The following TIRAP variants were observed in gnomAD, a reference collection of about 807,000 sequenced individuals.
TIRAP encodes the protein TIR domain containing adaptor protein, also known as toll/interleukin-1 receptor domain-containing adapter protein.
In TIRAP, 20 loss-of-function variants were observed where a neutral mutation model predicts 19.8. That is an observed-to-expected ratio of 1.01 (90% CI 0.71 to 1.47). The LOEUF is 1.47. Among genes scored for constraint, TIRAP ranks in the 40% most tolerant of loss-of-function variants. The pLI is 0.00. For missense variants in TIRAP, 276 were observed against 285.1 expected (o/e 0.97, Z 0.23); for synonymous variants, 125 against 121.7 (o/e 1.03, Z -0.18).
chr11:126,291,394 C>G lies in TIRAP; in HGVS notation c.67+433C>G, dbSNP rs1010772808. The G allele has an allele frequency of 7.7e-7, 1 of 1,304,048 alleles. No individual in the cohort carries two copies. 80.8% of individuals were successfully genotyped at this position (1,304,048 alleles called of 1,614,324 possible). On this transcript the variant is annotated intron_variant, in intron 3 of 4. Transcript: ENST00000392679. The surrounding 1 kb of genome is among the most constrained non-coding windows in gnomAD (Gnocchi z 5.6). ...TCCTTATGGAGTCCCATACTCCAAA[C>G]ACAGACCTGAGCAGTGTTTCTCCCC...
intron 1 of TIRAP, among the ~76,000 whole-genome samples, chr11:126,283,740 A>AGGGGGAAC (rs1951283207): frequency 6.6e-6 from 1 of 152,176 alleles, no homozygotes; most frequent in African/African-American, 2.4e-5. Flanking sequence ...CATACCCTAG[A>AGGGGGAAC]AGTGCAACAG....
rs8177399 is a variant in TIRAP at position 126,290,931 on chromosome 11, C to T, written c.37C>T (p.Arg13Trp). The change falls in exon 3 of 5, where the codon CGG becomes TGG. Residue 13 changes from arginine (R) to tryptophan (W), a missense_variant. By Grantham distance (101) the Arg-to-Trp change is moderately radical. Transcript: ENST00000392679. This position sits in a 1 kb window ranked among gnomAD's most constrained non-coding sequence, Gnocchi z 4.9. ...GACCTCCCTCCCAGCTCCTGGCTCT[C>T]GGCCTAAGAAGCCTCTAGGCAAGAT... ...SSTSLPAPGSRPKKPLGKMAD... is the reference protein window; with the variant it reads ...SSTSLPAPGSWPKKPLGKMAD... The T allele has an allele frequency of 0.018, 29,318 of 1,606,976 alleles. 316 individuals are homozygous for T. Among genetic ancestry groups the T allele is most frequent in the Non-Finnish European group, 0.021 (24,721 of 1,176,324 alleles).
chr11:126,293,615 A>C (rs1254614774), intron 4 of TIRAP, 53 bp from the exon 5 acceptor site: 2 of 1,607,844 alleles, frequency 1.2e-6, no homozygotes, highest in African/African-American at 2.7e-5. Flanking sequence ...CTGTTGGGGA[A>C]AACAGATGCT....
rs2135286963 is a variant in TIRAP at position 126,288,637 on chromosome 11, T to G, written c.-216-1825T>G. ...TCATGAGGGCTTATACCACCGCACT[T>G]CTGGTGGCATATACTGCTGGACAAC... On this transcript the variant is annotated intron_variant, in intron 1 of 4. Transcript: ENST00000392679. The surrounding 1 kb of genome is among the most constrained non-coding windows in gnomAD (Gnocchi z 5.0). The G allele has an allele frequency of 6.6e-6, 1 of 152,326 alleles. No individual in the cohort carries two copies. The highest frequency in any genetic ancestry group is 2.1e-4 in the South Asian group (1 of 4,828). The allele number at this position is 152,326 out of a possible 1,614,324, so 9.4% of individuals were successfully genotyped here. A position where few individuals can be genotyped will look rare whatever the true frequency, so the allele number is the denominator to read the frequency against.
At chr11:126,293,445 T>G (rs1018591979) in intron 4 of TIRAP, 1 of 712,968 alleles carries the variant, frequency 1.4e-6, no homozygotes, top group Non-Finnish European at 2.5e-6. Flanking sequence ...GCTGGAGATG[T>G]CCATCAAGAG....
chr11:126,287,057 C>T lies in TIRAP; in HGVS notation c.-216-3405C>T, dbSNP rs1951330022. Among the ~76,000 whole-genome samples the T allele has an allele frequency of 1.3e-5, 2 of 152,176 alleles. No homozygotes were observed. The highest frequency in any genetic ancestry group is 2.9e-5 in the Non-Finnish European group (2 of 68,030). Reference sequence around the variant, plus strand: ...CCTGGGTAATCCAGGAATCCCTCCCCATCACAAGGTTCTTAATCACAGCTG... The same window carrying T: ...CCTGGGTAATCCAGGAATCCCTCCCTATCACAAGGTTCTTAATCACAGCTG... On this transcript the variant is annotated intron_variant, in intron 1 of 4. Coordinates refer to ENST00000392679, the MANE Select transcript of TIRAP (RefSeq NM_001318777.2). The surrounding 1 kb of genome is among the most constrained non-coding windows in gnomAD (Gnocchi z 4.2).
rs376255622 is a variant in TIRAP at position 126,290,891 on chromosome 11, C to T, written c.-4C>T. On this transcript the variant is annotated 5_prime_UTR_variant, in exon 3 of 5. It adds an upstream start codon to the 5' untranslated region. Transcript: ENST00000392679. This position sits in a 1 kb window ranked among gnomAD's most constrained non-coding sequence, Gnocchi z 4.9. Reference sequence around the variant, plus strand: ...CTCACGGGGCTAGTTTTGACCCCCACGCTATGGCATCATCGACCTCCCTCC... The same window carrying T: ...CTCACGGGGCTAGTTTTGACCCCCATGCTATGGCATCATCGACCTCCCTCC... 3.1e-4 allele frequency: 495 copies of T among 1,603,288 alleles called. No homozygotes were observed. Among genetic ancestry groups the T allele is most frequent in the Non-Finnish European group, 3.7e-4 (434 of 1,173,982 alleles).
chr11:126,291,329 C>G lies in TIRAP; in HGVS notation c.67+368C>G, dbSNP rs929260538. 26 of 713,842 alleles carry G rather than the reference C, an allele frequency of 3.6e-5. No individual in the cohort carries two copies. The African/African-American group carries it at 4.7e-4, about 13-fold the overall frequency. 44.2% of individuals were successfully genotyped at this position (713,842 alleles called of 1,614,324 possible). ...GAAAATGAATCAATCCCCACCACAACTATCTGTCCTTATCAAAGGCTGGGG... is the reference window on the plus strand; with the variant it reads ...GAAAATGAATCAATCCCCACCACAAGTATCTGTCCTTATCAAAGGCTGGGG... On this transcript the variant is annotated intron_variant, in intron 3 of 4. Coordinates refer to ENST00000392679, the MANE Select transcript of TIRAP (RefSeq NM_001318777.2). The surrounding 1 kb of genome is among the most constrained non-coding windows in gnomAD (Gnocchi z 5.6).
At chr11:126,293,489 A>G in intron 4 of TIRAP, 179 bp from the exon 5 acceptor site, 2 of 817,338 alleles carry the variant, frequency 2.4e-6, no homozygotes, top group Admixed American at 1.9e-5. Context: ...TTGGTTTAGT[A>G]AGGCAAAATG....
chr11:126,289,560 G>A (rs190659583), intron 1 of TIRAP: 25 of 762,512 alleles, frequency 3.3e-5, no homozygotes, highest in Middle Eastern at 6.6e-4. Context: ...TTACAGGCGT[G>A]AGCCATTGTG....
chr11:126,284,010 A>G (rs1174906739), intron 1 of TIRAP, among the ~76,000 whole-genome samples: 1 of 149,868 alleles, frequency 6.7e-6, no homozygotes, highest in Non-Finnish European at 1.5e-5. Context: ...TTTTCCATCC[A>G]TGGAATCATA....
rs1420167094 is a variant in TIRAP at position 126,290,302 on chromosome 11, G to T, written c.-216-160G>T. ...CCTTCCTGAGCTGACGGCTGCAGGG[G>T]CGATGGGTCTATGGATGGAGTTATT... On this transcript the variant is annotated intron_variant, in intron 1 of 4. Coordinates refer to ENST00000392679, the MANE Select transcript of TIRAP (RefSeq NM_001318777.2). This position sits in a 1 kb window ranked among gnomAD's most constrained non-coding sequence, Gnocchi z 4.9. 6.6e-6 allele frequency among the ~76,000 whole-genome samples: 1 copy of T among 152,236 alleles called. No individual in the cohort carries two copies. The highest frequency in any genetic ancestry group is 1.9e-4 in the East Asian group (1 of 5,200).
chr11:126,290,427 T>C lies in TIRAP; in HGVS notation c.-216-35T>C. 1.0e-6 allele frequency: 1 copy of C among 988,988 alleles called. No individual in the cohort carries two copies. The highest frequency in any genetic ancestry group is 1.2e-6 in the Non-Finnish European group (1 of 832,434). 61.3% of individuals were successfully genotyped at this position (988,988 alleles called of 1,614,324 possible). A position where few individuals can be genotyped will look rare whatever the true frequency, so the allele number is the denominator to read the frequency against. Reference sequence around the variant, plus strand: ...GTCTATCTGGATACATAATTATTTGTCCAAATAGCAACTGTCCTTCTTCTG... The same window carrying C: ...GTCTATCTGGATACATAATTATTTGCCCAAATAGCAACTGTCCTTCTTCTG... On this transcript the variant is annotated intron_variant, in intron 1 of 4. Coordinates refer to ENST00000392679, the MANE Select transcript of TIRAP (RefSeq NM_001318777.2). The surrounding 1 kb of genome is among the most constrained non-coding windows in gnomAD (Gnocchi z 4.9).
At position 126,290,416 on chromosome 11, in the gene TIRAP, A is replaced by G. The variant is rs1951366090; in HGVS notation, c.-216-46A>G. The G allele has an allele frequency of 1.0e-6, 1 of 987,918 alleles. No individual in the cohort carries two copies. 61.2% of individuals were successfully genotyped at this position (987,918 alleles called of 1,614,324 possible). ...GTTCAGCTTCTGTCTATCTGGATACATAATTATTTGTCCAAATAGCAACTG... is the reference window on the plus strand; with the variant it reads ...GTTCAGCTTCTGTCTATCTGGATACGTAATTATTTGTCCAAATAGCAACTG... On this transcript the variant is annotated intron_variant, in intron 1 of 4. Transcript: ENST00000392679. This position sits in a 1 kb window ranked among gnomAD's most constrained non-coding sequence, Gnocchi z 4.9.
rs1377873620 is a variant in TIRAP, at chr11:126,294,764, A to T, written c.*1077A>T. 1 of 311,704 alleles carries T rather than the reference A, an allele frequency of 3.2e-6. No individual in the cohort carries two copies. Among genetic ancestry groups the T allele is most frequent in the Non-Finnish European group, 6.3e-6 (1 of 158,450 alleles). 19.3% of individuals were successfully genotyped at this position (311,704 alleles called of 1,614,324 possible). A position where few individuals can be genotyped will look rare whatever the true frequency, so the allele number is the denominator to read the frequency against. On this transcript the variant is annotated 3_prime_UTR_variant, in exon 5 of 5. Coordinates refer to ENST00000392679, the MANE Select transcript of TIRAP (RefSeq NM_001318777.2). The stretch of plus-strand genomic sequence containing the variant: ...GAAAAAAATTTTTATTATTTTTTCT[A>T]TCTCTAGTTCTAGAAAGAGAAAATT...
At position 126,294,467 on chromosome 11, in the gene TIRAP, G is replaced by C. The variant is rs1462474773; in HGVS notation, c.*780G>C. The C allele has an allele frequency of 8.8e-6, 4 of 455,482 alleles. No individual in the cohort carries two copies. The Admixed American group carries it at 9.4e-5, about 11-fold the overall frequency. 28.2% of individuals were successfully genotyped at this position (455,482 alleles called of 1,614,324 possible). ...CTCAGGGTTCAATGCCTTCACCTGA[G>C]ATCACAAGCCCATGGATGCTGTGAC... is the stretch of plus-strand genomic sequence containing the variant. On this transcript the variant is annotated 3_prime_UTR_variant, in exon 5 of 5. Coordinates refer to ENST00000392679, the MANE Select transcript of TIRAP (RefSeq NM_001318777.2).
At position 126,290,794 on chromosome 11, in the gene TIRAP, C is replaced by A; in HGVS notation, c.-92-9C>A. On this transcript the variant is annotated splice_polypyrimidine_tract_variant and intron_variant, in intron 2 of 4. Transcript: ENST00000392679. The surrounding 1 kb of genome is among the most constrained non-coding windows in gnomAD (Gnocchi z 4.9). The stretch of plus-strand genomic sequence containing the variant: ...AGCCTTTGTGATTCTCTCTCTCTAC[C>A]CTCTGTAGGATGGCTGCTCCATGAG... The A allele has an allele frequency of 6.6e-7, 1 of 1,506,280 alleles. No homozygotes were observed. Among genetic ancestry groups the A allele is most frequent in the Non-Finnish European group, 8.8e-7 (1 of 1,131,534 alleles). 93.3% of individuals were successfully genotyped at this position (1,506,280 alleles called of 1,614,324 possible).
In TIRAP at chr11:126,287,951, G is replaced by T. The variant is rs565254002; in HGVS notation, c.-216-2511G>T. 2.6e-5 allele frequency among the ~76,000 whole-genome samples: 4 copies of T among 151,534 alleles called. No individual in the cohort carries two copies. Among genetic ancestry groups the T allele is most frequent in the Admixed American group, 2.6e-4 (4 of 15,220 alleles). Reference sequence around the variant, plus strand: ...GTATTTTTAGTAGAGACAGGGTTTCGACCTGTCGGCCAGGCTGGTCTTGAA... The same window carrying T: ...GTATTTTTAGTAGAGACAGGGTTTCTACCTGTCGGCCAGGCTGGTCTTGAA... On this transcript the variant is annotated intron_variant, in intron 1 of 4. Transcript: ENST00000392679. This position sits in a 1 kb window ranked among gnomAD's most constrained non-coding sequence, Gnocchi z 4.2.
At position 126,290,562 on chromosome 11, in the gene TIRAP, C is replaced by T; in HGVS notation, c.-116C>T. ...GGTGGAGCAGAGAACAGTTCCTCAG[C>T]TGGTCATGCTGAGCTCATACCCTGT... On this transcript the variant is annotated 5_prime_UTR_variant, in exon 2 of 5. Transcript: ENST00000392679. The surrounding 1 kb of genome is among the most constrained non-coding windows in gnomAD (Gnocchi z 4.9). The T allele has an allele frequency of 9.5e-7, 1 of 1,053,466 alleles. No individual in the cohort carries two copies. Among genetic ancestry groups the T allele is most frequent in the Non-Finnish European group, 1.1e-6 (1 of 874,930 alleles). 65.3% of individuals were successfully genotyped at this position (1,053,466 alleles called of 1,614,324 possible). A position where few individuals can be genotyped will look rare whatever the true frequency, so the allele number is the denominator to read the frequency against.
Sources: gnomAD v4.1 joint callset for allele counts (sites outside exome capture counted in the v4.1 genomes callset) on GRCh38, gnomAD v4.1.1 for gene constraint, Gnocchi (gnomAD v3.1) non-coding constraint, MANE v1.5 for transcripts, NCBI Gene and HGNC (gene_info 2026-07-23, HGNC 2026-07-21) for gene names.